UBR3: variants seen among roughly 807,000 people sequenced by gnomAD.
UBR3 encodes the protein ubiquitin protein ligase E3 component n-recognin 3, also known as E3 ubiquitin-protein ligase UBR3.
Under a neutral mutation model 243.2 loss-of-function variants are expected in UBR3, and 85 were observed. The ratio of observed to expected loss-of-function variants is 0.35; its 90% CI spans 0.29 to 0.42. The LOEUF (loss-of-function observed/expected upper bound fraction) is 0.42. Among genes scored for constraint, UBR3 ranks in the 10% least tolerant of loss-of-function variants. The pLI, the probability that UBR3 is intolerant of heterozygous loss-of-function variation, is 1.00. For synonymous variants in UBR3, 748 were observed against 799.8 expected, an observed-to-expected ratio of 0.94 and a Z score of 1.09; for missense variants, 1,686 against 2,300.8, an observed-to-expected ratio of 0.73 and a Z score of 5.47.
chr2:169,972,401 C>T (rs2088202529), intron 24 of UBR3, among the ~76,000 whole-genome samples: 2 of 152,132 alleles, frequency 1.3e-5, no homozygotes, highest in Admixed American at 1.3e-4. Context: ...GGAATCCTCC[C>T]TAACTCTTTT....
intron 27 of UBR3, among the ~76,000 whole-genome samples, chr2:170,001,941 A>AAAAAAAAAAAAAAAAAAG: frequency 7.7e-6 from 1 of 129,322 alleles, no homozygotes; most frequent in Non-Finnish European, 1.6e-5. Context: ...AAAAAAAAAA[A>AAAAAAAAAAAAAAAAAAG]AGAAAGAAAA....
intron 18 of UBR3, among the ~76,000 whole-genome samples, chr2:169,930,765 G>C (rs1458717754): frequency 6.6e-6 from 1 of 152,096 alleles, no homozygotes; most frequent in Non-Finnish European, 1.5e-5. Context: ...CAAGCCTCTG[G>C]TTTCGGGGAC....
intron 5 of UBR3, among the ~76,000 whole-genome samples, chr2:169,889,468 T>C (rs2084241113): frequency 6.6e-6 from 1 of 152,228 alleles, no homozygotes; most frequent in African/African-American, 2.4e-5. Context: ...CATAAATGGC[T>C]ATTAGCTGAA....
At chr2:169,908,821 CTTTT>C (rs11388865) in intron 10 of UBR3, among the ~76,000 whole-genome samples, 47 of 124,028 alleles carry the variant, frequency 3.8e-4, no homozygotes, top group Admixed American at 5.9e-4. Context: ...GTGATTGGTC[CTTTT>C]TTTTTTTTTT....
At position 170,073,523 on chromosome 2, in the gene UBR3, T is replaced by C. The variant is rs1166328797; in HGVS notation, c.5115T>C (p.Asp1705=). Residue 1705 remains aspartate, a synonymous_variant, in exon 36 of 39, where the codon GAT becomes GAC. Transcript: ENST00000272793. The part of the protein sequence containing the change: ...EHPFISASCL[D]WPVPAFDIIT... ...CATTCATCAGTGCCTCCTGTCTGGA[T>C]TGGCCAGTTCCAGCATTTGATATTA... 3.1e-6 allele frequency: 5 copies of C among 1,613,814 alleles called. No homozygotes were observed. The highest frequency in any genetic ancestry group is 1.7e-5 in the Admixed American group (1 of 59,996).
Position 169,895,175 on chromosome 2 carries a change from G to A in UBR3, c.1106-6G>A, listed in dbSNP as rs922752535. 2.7e-6 allele frequency: 4 copies of A among 1,507,878 alleles called. No homozygotes were observed. In the South Asian group the frequency reaches 3.9e-5, roughly 15 times the overall value. The allele number at this position is 1,507,878 out of a possible 1,614,324, so 93.4% of individuals were successfully genotyped here. A position where few individuals can be genotyped will look rare whatever the true frequency, so the allele number is the denominator to read the frequency against. On this transcript the variant is annotated splice_polypyrimidine_tract_variant and splice_region_variant and intron_variant, in intron 6 of 38. Transcript: ENST00000272793. ...TTAACTGATAAATTTCATTTTTCAT[G>A]TGCAGATCAATCCATAATGGATGTT...
chr2:169,937,451 G>A (rs2086384443), intron 19 of UBR3, among the ~76,000 whole-genome samples: 1 of 152,150 alleles, frequency 6.6e-6, no homozygotes. Context: ...CTCCCATTCT[G>A]TAAGTTGCCT....
At chr2:170,061,856 T>C (rs569164269) in intron 35 of UBR3, among the ~76,000 whole-genome samples, 1 of 152,350 alleles carries the variant, frequency 6.6e-6, no homozygotes, top group Admixed American at 6.5e-5. Context: ...TATATGTTAA[T>C]CTAGCTTAAA....
intron 28 of UBR3, 90 bp from the exon 29 acceptor site, chr2:170,008,714 A>G (rs1469068344): frequency 3.1e-6 from 2 of 651,204 alleles, no homozygotes; most frequent in Non-Finnish European, 4.9e-6. Context: ...TTAATTTCCT[A>G]CTATGTTCAT....
At chr2:169,879,227 A>C (rs1465508594) in intron 5 of UBR3, among the ~76,000 whole-genome samples, 2 of 151,956 alleles carry the variant, frequency 1.3e-5, no homozygotes, top group Admixed American at 6.6e-5. Context: ...TAATACATTT[A>C]ATTAAAATCT....
Position 169,851,977 on chromosome 2 carries a change from T to G in UBR3, c.546-20259T>G, listed in dbSNP as rs187014485. 4.7e-3 allele frequency among the ~76,000 whole-genome samples: 716 copies of G among 152,336 alleles called. 4 individuals are homozygous for G. The highest frequency in any genetic ancestry group is 0.02 in the Middle Eastern group (6 of 294). On this transcript the variant is annotated intron_variant, in intron 1 of 38. Transcript: ENST00000272793. ...GCTGAAACATTTACATGAAGACATC[T>G]TTTGAGATGTTTTCATATTGCCTGT...
intron 24 of UBR3, among the ~76,000 whole-genome samples, chr2:169,967,965 C>T (rs2087903411): frequency 6.6e-6 from 1 of 151,748 alleles, no homozygotes; most frequent in Admixed American, 6.6e-5. Flanking sequence ...TCTTAGGTAA[C>T]ACATATGTAC....
At chr2:169,893,762 A>G (rs969495881) in intron 6 of UBR3, among the ~76,000 whole-genome samples, 5 of 151,972 alleles carry the variant, frequency 3.3e-5, no homozygotes, top group African/African-American at 7.2e-5. Context: ...GGGTTTTGCC[A>G]TGTTATCTAG....
At chr2:169,896,448 G>C (rs1026177760) in intron 7 of UBR3, 59 bp from the exon 8 acceptor site, 53 of 1,098,414 alleles carry the variant, frequency 4.8e-5, no homozygotes, top group Non-Finnish European at 6.4e-5. Flanking sequence ...TATTGAAAAT[G>C]ATTTTAAATT....
Position 170,080,631 on chromosome 2 carries a change from C to T in UBR3, c.5496C>T (p.Cys1832=), listed in dbSNP as rs758859331. 2 of 1,613,986 alleles carry T rather than the reference C, an allele frequency of 1.2e-6. No individual in the cohort carries two copies. The highest frequency in any genetic ancestry group is 3.3e-5 in the Admixed American group (2 of 60,004). Residue 1832 remains cysteine, a synonymous_variant, in exon 38 of 39, where the codon TGC becomes TGT. Coordinates refer to ENST00000272793, the MANE Select transcript of UBR3 (RefSeq NM_172070.4). Reference sequence around the variant, plus strand: ...TCATCATTCGAGGTCACCGCTTCTGCCTCTGGGGTTCCGTGTATTTGGATG... The same window carrying T: ...TCATCATTCGAGGTCACCGCTTCTGTCTCTGGGGTTCCGTGTATTTGGATG... ...VIIIIRGHRF[C]LWGSVYLDAH...
At chr2:169,936,031 T>G (rs1394348261) in intron 19 of UBR3, among the ~76,000 whole-genome samples, 7 of 152,264 alleles carry the variant, frequency 4.6e-5, no homozygotes, top group African/African-American at 1.7e-4. Context: ...ACTGTAGTAT[T>G]ATATACAAAC....
intron 32 of UBR3, among the ~76,000 whole-genome samples, chr2:170,046,401 T>A (rs2091088985): frequency 6.6e-6 from 1 of 152,202 alleles, no homozygotes; most frequent in Admixed American, 6.5e-5. Flanking sequence ...TTTTATTTGT[T>A]GAAGAATCTG....
chr2:169,834,904 T>C (rs1210787470), intron 1 of UBR3, among the ~76,000 whole-genome samples: 1 of 152,192 alleles, frequency 6.6e-6, no homozygotes, highest in East Asian at 1.9e-4. Flanking sequence ...CCAAATGAAA[T>C]AGGCCCAGCA....
intron 19 of UBR3, among the ~76,000 whole-genome samples, chr2:169,935,565 G>C (rs1347523857): frequency 6.6e-6 from 1 of 152,160 alleles, no homozygotes; most frequent in Admixed American, 6.5e-5. Context: ...AAATTCAACT[G>C]TAAAGTACAT....
Sources: allele counts gnomAD v4.1 joint callset (sites outside exome capture counted in the v4.1 genomes callset), GRCh38; gene constraint gnomAD v4.1.1; transcripts MANE v1.5; gene names NCBI Gene and HGNC (gene_info 2026-07-23, HGNC 2026-07-21).